ARHGAP24: variants seen among roughly 807,000 people sequenced by gnomAD.
ARHGAP24 encodes Rho GTPase activating protein 24, also known as rho GTPase-activating protein 24.
Under a neutral mutation model 76.4 loss-of-function variants are expected in ARHGAP24, and 50 were observed. That is an observed-to-expected ratio of 0.65 (90% CI 0.52 to 0.83). The LOEUF (loss-of-function observed/expected upper bound fraction) is 0.83. Among genes scored for constraint, ARHGAP24 ranks in the 40% least tolerant of loss-of-function variants. ARHGAP24 has a pLI of 0.00. For missense variants in ARHGAP24, 930 were observed against 914.2 expected (o/e 1.02, Z -0.22); for synonymous variants, 345 against 323.3 (o/e 1.07, Z -0.72).
chr4:85,965,811 T>G (rs536997140), intron 5 of ARHGAP24, among the ~76,000 whole-genome samples: 89 of 152,316 alleles, frequency 5.8e-4, no homozygotes, highest in African/African-American at 1.6e-3. Flanking sequence ...CATTGGTTTA[T>G]CTGAGAGTGT....
At chr4:85,954,571 G>A (rs926345970) in intron 5 of ARHGAP24, among the ~76,000 whole-genome samples, 5 of 152,132 alleles carry the variant, frequency 3.3e-5, no homozygotes, top group South Asian at 2.1e-4. Context: ...ATCCTTGCTC[G>A]TGCTCCCTTC....
At chr4:85,942,623 GTAT>G (rs1737016890) in intron 5 of ARHGAP24, among the ~76,000 whole-genome samples, 1 of 152,080 alleles carries the variant, frequency 6.6e-6, no homozygotes, top group South Asian at 2.1e-4. Context: ...AATGTTAAAA[GTAT>G]TATGAGTAGA....
At chr4:85,874,420 T>C (rs550277139) in intron 3 of ARHGAP24, among the ~76,000 whole-genome samples, 7 of 152,282 alleles carry the variant, frequency 4.6e-5, no homozygotes, top group Admixed American at 1.3e-4. Context: ...CTTAACCTGT[T>C]GAAAAGCTGA....
chr4:85,847,874 A>C (rs1416935513), intron 3 of ARHGAP24, among the ~76,000 whole-genome samples: 1 of 152,052 alleles, frequency 6.6e-6, no homozygotes, highest in Non-Finnish European at 1.5e-5. Context: ...CATCCCCAAA[A>C]ATGAGCATTG....
intron 2 of ARHGAP24, among the ~76,000 whole-genome samples, chr4:85,661,369 G>C (rs2062099): frequency 0.94 from 143,075 of 152,304 alleles, 67,282 homozygotes; most frequent in African/African-American, 0.98. Context: ...AACAAAATAC[G>C]TCGTAGGCTC....
At chr4:85,785,627 ATTC>A (rs1157115389) in intron 3 of ARHGAP24, among the ~76,000 whole-genome samples, 1 of 152,020 alleles carries the variant, frequency 6.6e-6, no homozygotes, top group African/African-American at 2.4e-5. Flanking sequence ...TTCTTTATTT[ATTC>A]TTAGTGTCAC....
At chr4:85,953,075 T>C (rs1317623357) in intron 5 of ARHGAP24, among the ~76,000 whole-genome samples, 2 of 152,184 alleles carry the variant, frequency 1.3e-5, no homozygotes, top group Non-Finnish European at 2.9e-5. Flanking sequence ...GGGTCAAGAA[T>C]GGCAGTGTGG....
intron 3 of ARHGAP24, among the ~76,000 whole-genome samples, chr4:85,804,618 G>C (rs963792988): frequency 6.6e-6 from 1 of 152,140 alleles, no homozygotes; most frequent in Non-Finnish European, 1.5e-5. Flanking sequence ...TAAGAATTTT[G>C]TCATCATTTT....
At chr4:85,755,700 T>A (rs1451160875) in intron 3 of ARHGAP24, among the ~76,000 whole-genome samples, 7 of 146,504 alleles carry the variant, frequency 4.8e-5, no homozygotes, top group African/African-American at 1.7e-4. Flanking sequence ...TGGCGTGATC[T>A]CGGCTCACTA....
intron 1 of ARHGAP24, among the ~76,000 whole-genome samples, chr4:85,484,437 ATGATAAAAATT>A (rs1722939498): frequency 6.6e-6 from 1 of 152,176 alleles, no homozygotes; most frequent in East Asian, 1.9e-4. Context: ...AATAATATTG[ATGATAAAAATT>A]TGATAAAAAT....
intron 1 of ARHGAP24, among the ~76,000 whole-genome samples, chr4:85,528,072 G>A (rs1027279234): frequency 2.6e-5 from 4 of 152,048 alleles, no homozygotes; most frequent in African/African-American, 9.7e-5. Flanking sequence ...TGTTTGTGCT[G>A]CATTGTAAAG....
At chr4:85,935,044 C>A (rs1355610326) in intron 4 of ARHGAP24, among the ~76,000 whole-genome samples, 1 of 152,186 alleles carries the variant, frequency 6.6e-6, no homozygotes, top group Non-Finnish European at 1.5e-5. Context: ...TTCCCAGAAT[C>A]CATAGGCAAT....
intron 4 of ARHGAP24, chr4:85,930,933 G>A: frequency 6.2e-7 from 1 of 1,614,012 alleles, no homozygotes; most frequent in Non-Finnish European, 8.5e-7. Flanking sequence ...CCTGTACGAT[G>A]CCTGAAGACC....
chr4:85,754,927 G>A (rs1439010779), intron 3 of ARHGAP24, among the ~76,000 whole-genome samples: 1 of 152,096 alleles, frequency 6.6e-6, no homozygotes, highest in African/African-American at 2.4e-5. Flanking sequence ...TACCTCCCCG[G>A]GTTGTTACAA....
At chr4:85,963,906 T>C (rs1400284719) in intron 5 of ARHGAP24, among the ~76,000 whole-genome samples, 2 of 151,922 alleles carry the variant, frequency 1.3e-5, no homozygotes, top group Non-Finnish European at 2.9e-5. Flanking sequence ...TTTTTTCAAC[T>C]TTTTTTTATT....
chr4:85,860,294 C>A (rs373999492), intron 3 of ARHGAP24, among the ~76,000 whole-genome samples: 3 of 151,928 alleles, frequency 2.0e-5, no homozygotes, highest in Non-Finnish European at 2.9e-5. Flanking sequence ...TGGTGCCCCA[C>A]GAGGGCTCAC....
rs111410344 is a variant in ARHGAP24 at position 85,755,626 on chromosome 4, G to GTTTTTTTTTTTTTTTTTT, written c.268+33658_268+33659insTTTTTTTTTTTTTTTTTT. Among the ~76,000 whole-genome samples the GTTTTTTTTTTTTTTTTTT allele has an allele frequency of 9.4e-5, 11 of 117,412 alleles. 5 individuals are homozygous for GTTTTTTTTTTTTTTTTTT. Among genetic ancestry groups the GTTTTTTTTTTTTTTTTTT allele is most frequent in the Non-Finnish European group, 8.9e-5 (5 of 56,160 alleles). The allele number at this position is 117,412 out of a possible 152,430, so 77.0% of individuals were successfully genotyped here. ...TTCTATGGGAAGCTTCTATTCTTTT[G>GTTTTTTTTTTTTTTTTTT]TTTTGTTTTGTTTTGTTTTGTTTTG... is the stretch of plus-strand genomic sequence containing the variant. On this transcript the variant is annotated intron_variant, in intron 3 of 9. Transcript: ENST00000395184.
chr4:85,670,363 A>G (rs903021515), intron 2 of ARHGAP24, among the ~76,000 whole-genome samples: 1 of 152,214 alleles, frequency 6.6e-6, no homozygotes, highest in African/African-American at 2.4e-5. Flanking sequence ...TGAAATCTTA[A>G]TAAGTGCTAC....
chr4:85,965,805 G>A (rs1157059644), intron 5 of ARHGAP24, among the ~76,000 whole-genome samples: 2 of 152,092 alleles, frequency 1.3e-5, no homozygotes, highest in African/African-American at 4.8e-5. Flanking sequence ...ATATCACATT[G>A]GTTTATCTGA....
Sources: gnomAD v4.1 joint callset for allele counts (sites outside exome capture counted in the v4.1 genomes callset) on GRCh38, gnomAD v4.1.1 for gene constraint, MANE v1.5 for transcripts, NCBI Gene and HGNC (gene_info 2026-07-23, HGNC 2026-07-21) for gene names.